Variants in TBXAS1 observed in about 807,000 individuals in gnomAD.
The protein encoded by TBXAS1 is thromboxane-A synthase.
Under a neutral mutation model 60.7 loss-of-function variants are expected in TBXAS1, and 48 were observed. That is an observed-to-expected ratio of 0.79 (90% CI 0.63 to 1.01). The LOEUF (loss-of-function observed/expected upper bound fraction) is 1.01. Among genes scored for constraint, TBXAS1 ranks in the 50% least tolerant of loss-of-function variants. TBXAS1 has a pLI of 0.00. For synonymous variants in TBXAS1, 287 were observed against 269.7 expected, an observed-to-expected ratio of 1.06 and a Z score of -0.63; for missense variants, 685 against 686.3, an observed-to-expected ratio of 1.00 and a Z score of 0.02.
intron 1 of TBXAS1, among the ~76,000 whole-genome samples, chr7:139,862,137 C>T (rs982490083): frequency 2.6e-5 from 4 of 152,134 alleles, no homozygotes; most frequent in Non-Finnish European, 4.4e-5. Flanking sequence ...GCCTAACAGA[C>T]ATTCAAAGCA....
intron 3 of TBXAS1, among the ~76,000 whole-genome samples, chr7:139,902,474 C>T (rs1050615900): frequency 6.6e-6 from 1 of 152,004 alleles, no homozygotes; most frequent in Non-Finnish European, 1.5e-5. Flanking sequence ...CATAGTATTC[C>T]GTTGTATAGA....
At chr7:140,017,972 C>T (rs1569525640) in intron 12 of TBXAS1, 139 bp downstream of exon 12, 6 of 1,123,934 alleles carry the variant, frequency 5.3e-6, no homozygotes, top group South Asian at 4.3e-5. Flanking sequence ...TAACCTCTCT[C>T]GGCCTCAGTT....
chr7:139,926,975 T>G (rs1035594429), intron 4 of TBXAS1, among the ~76,000 whole-genome samples: 1 of 151,882 alleles, frequency 6.6e-6, no homozygotes, highest in African/African-American at 2.4e-5. Flanking sequence ...TTTCTAGGGT[T>G]TCTTTTTTTT....
At chr7:139,930,932 T>C (rs886282812) in intron 4 of TBXAS1, among the ~76,000 whole-genome samples, 1 of 152,144 alleles carries the variant, frequency 6.6e-6, no homozygotes, top group African/African-American at 2.4e-5. Flanking sequence ...AGGATTGTAG[T>C]TGAGAGAGAG....
chr7:139,846,234 C>T (rs950382505), intron 1 of TBXAS1, among the ~76,000 whole-genome samples: 4 of 152,150 alleles, frequency 2.6e-5, no homozygotes, highest in Admixed American at 1.3e-4. Context: ...AGTTTATCAA[C>T]GATCCCTTGA....
At chr7:139,949,812 C>T (rs1809051159) in intron 5 of TBXAS1, among the ~76,000 whole-genome samples, 2 of 152,116 alleles carry the variant, frequency 1.3e-5, no homozygotes, top group South Asian at 4.1e-4. Flanking sequence ...TAAAGCGGTG[C>T]CTGGCTGAGT....
chr7:139,878,583 T>C (rs1258244084), intron 3 of TBXAS1, among the ~76,000 whole-genome samples: 2 of 152,166 alleles, frequency 1.3e-5, no homozygotes, highest in Admixed American at 6.5e-5. Context: ...AGAGGCAATA[T>C]GGTGGCGGTG....
In TBXAS1 at chr7:140,015,729, A is replaced by C; in HGVS notation, c.1233A>C (p.Thr411=). 3 of 1,613,216 alleles carry C rather than the reference A, an allele frequency of 1.9e-6. No individual in the cohort carries two copies. The highest frequency in any genetic ancestry group is 2.5e-6 in the Non-Finnish European group (3 of 1,180,004). The change falls in exon 11 of 13, where the codon ACA becomes ACC. Residue 411 remains threonine (T), a synonymous_variant. Transcript: ENST00000448866. ...GACCTGGTGTTTCCCTCAGATTCAC[A>C]CGGGAGGCAGCTCAGGACTGCGAGG... ...LRMYPPAFRF[T]REAAQDCEVL... is the part of the protein sequence containing the mutation.
At chr7:139,959,379 T>C (rs1187155404) in intron 8 of TBXAS1, among the ~76,000 whole-genome samples, 2 of 152,340 alleles carry the variant, frequency 1.3e-5, no homozygotes, top group East Asian at 3.9e-4. Flanking sequence ...TTCTAAGCTC[T>C]AGCCGATGGG....
intron 3 of TBXAS1, among the ~76,000 whole-genome samples, chr7:139,887,008 G>T (rs1015570): frequency 0.42 from 63,816 of 151,966 alleles, 13,497 homozygotes; most frequent in South Asian, 0.53. Context: ...TTAGCATCCT[G>T]AGTTCTGCCC....
rs1800260903 is a variant in TBXAS1 at position 139,852,152 on chromosome 7, A to G, written c.90-20083A>G. On this transcript the variant is annotated intron_variant, in intron 1 of 12. Coordinates refer to ENST00000448866, the MANE Select transcript of TBXAS1 (RefSeq NM_001061.7). This position sits in a 1 kb window ranked among gnomAD's most constrained non-coding sequence, Gnocchi z 4.4. ...ATCTGCTCGCAGACTCCTGACCCTC[A>G]GAATCTGTGAGATAATGAATGTTTG... Among the ~76,000 whole-genome samples the G allele has an allele frequency of 6.6e-6, 1 of 152,226 alleles. No homozygotes were observed. Among genetic ancestry groups the G allele is most frequent in the Non-Finnish European group, 1.5e-5 (1 of 68,044 alleles).
chr7:139,865,665 A>AGAG (rs1569503755), intron 1 of TBXAS1, among the ~76,000 whole-genome samples: 19 of 15,990 alleles, frequency 1.2e-3, no homozygotes, highest in South Asian at 6.5e-3. Flanking sequence ...AGGAGGAGGA[A>AGAG]GAGGAGGAGG....
At chr7:139,898,760 A>G (rs919262037) in intron 3 of TBXAS1, among the ~76,000 whole-genome samples, 4 of 152,196 alleles carry the variant, frequency 2.6e-5, no homozygotes, top group Admixed American at 6.5e-5. Context: ...GAAGGTGACC[A>G]TGACCAGCAT....
At chr7:139,982,868 T>G (rs931514179) in intron 9 of TBXAS1, among the ~76,000 whole-genome samples, 1 of 152,034 alleles carries the variant, frequency 6.6e-6, no homozygotes, top group Non-Finnish European at 1.5e-5. Context: ...TCCAGGAAAA[T>G]TTTTGCTCAT....
chr7:139,919,630 C>T (rs944159626), intron 4 of TBXAS1, among the ~76,000 whole-genome samples: 3 of 152,198 alleles, frequency 2.0e-5, no homozygotes, highest in African/African-American at 7.2e-5. Flanking sequence ...CCGGTTACAG[C>T]AGAAATGCAT....
intron 1 of TBXAS1, among the ~76,000 whole-genome samples, chr7:139,862,088 G>C (rs910107144): frequency 2.0e-5 from 3 of 152,224 alleles, no homozygotes; most frequent in Admixed American, 6.5e-5. Context: ...AACAGATTTA[G>C]TGGGTAAATT....
chr7:139,800,762 C>T lies in TBXAS1; in HGVS notation c.-80+13336C>T, dbSNP rs536931622. 7.9e-5 allele frequency among the ~76,000 whole-genome samples: 12 copies of T among 152,290 alleles called. No homozygotes were observed. In the South Asian group the frequency reaches 2.5e-3, roughly 32 times the overall value. On this transcript the variant is annotated intron_variant, in intron 4 of 16. Coordinates refer to the TBXAS1 transcript ENST00000336425. ...TTGGATAGAATATTCTCCCTTCTAT[C>T]TGAGAGTGTTTGTGACCTTCTCATA...
chr7:139,832,431 T>C (rs928001668), intron 1 of TBXAS1, among the ~76,000 whole-genome samples: 4 of 151,556 alleles, frequency 2.6e-5, no homozygotes, highest in African/African-American at 9.7e-5. Context: ...TAAAAAAATA[T>C]GAACAAAGCC....
rs1407969924 is a variant in TBXAS1 at position 139,896,894 on chromosome 7, A to C, written c.237-14331A>C. 6.6e-6 allele frequency among the ~76,000 whole-genome samples: 1 copy of C among 152,208 alleles called. No individual in the cohort carries two copies. The highest frequency in any genetic ancestry group is 1.5e-5 in the Non-Finnish European group (1 of 68,042). On this transcript the variant is annotated intron_variant, in intron 3 of 12. Transcript: ENST00000448866. The surrounding 1 kb of genome is among the most constrained non-coding windows in gnomAD (Gnocchi z 4.0). The stretch of plus-strand genomic sequence containing the variant: ...GAGAACCACTAGAGATTTATAGGGA[A>C]TAGAACGACACAGTCAGCTTCTGTT...
Sources: gnomAD v4.1 joint callset for allele counts (sites outside exome capture counted in the v4.1 genomes callset) on GRCh38, gnomAD v4.1.1 for gene constraint, Gnocchi (gnomAD v3.1) non-coding constraint, MANE v1.5 for transcripts, NCBI Gene and HGNC (gene_info 2026-07-23, HGNC 2026-07-21) for gene names.